PRKCH: variants seen among roughly 807,000 people sequenced by gnomAD.
PRKCH encodes protein kinase C eta, also known as protein kinase C eta type.
PRKCH carries 28 observed loss-of-function variants against 82.5 expected under a neutral mutation model. The ratio of observed to expected loss-of-function variants is 0.34; its 90% CI spans 0.25 to 0.47. The LOEUF (loss-of-function observed/expected upper bound fraction) is 0.47. Among genes scored for constraint, PRKCH ranks in the 20% least tolerant of loss-of-function variants. The pLI is 1.00. For missense variants in PRKCH, 705 were observed against 881.8 expected (o/e 0.80, Z 2.54); for synonymous variants, 322 against 327.4 (o/e 0.98, Z 0.18).
chr14:61,483,877 T>C (rs1886091199), intron 9 of PRKCH, among the ~76,000 whole-genome samples: 2 of 152,014 alleles, frequency 1.3e-5, no homozygotes, highest in Admixed American at 6.5e-5. Context: ...TGAGACCCCA[T>C]CTCTACTAAA....
intron 1 of PRKCH, among the ~76,000 whole-genome samples, chr14:61,334,987 C>T (rs2045837856): frequency 6.6e-6 from 1 of 152,056 alleles, no homozygotes; most frequent in Non-Finnish European, 1.5e-5. Flanking sequence ...GCAAGAGCCG[C>T]CACTCCTAGC....
chr14:61,342,749 T>G (rs1164566926), intron 1 of PRKCH, among the ~76,000 whole-genome samples: 2 of 152,230 alleles, frequency 1.3e-5, no homozygotes, highest in East Asian at 3.8e-4. Flanking sequence ...AATTTTCCAG[T>G]GTGTTCTGGT....
At chr14:61,440,253 T>C (rs895400930) in intron 2 of PRKCH, among the ~76,000 whole-genome samples, 5 of 152,222 alleles carry the variant, frequency 3.3e-5, no homozygotes, top group Admixed American at 2.0e-4. Context: ...GGCAGTGTAG[T>C]GTAGTAACTT....
At chr14:61,306,928 T>A (rs1259290903) in intron 1 of PRKCH, 1 of 152,212 alleles carries the variant, frequency 6.6e-6, no homozygotes, top group African/African-American at 2.4e-5. Flanking sequence ...TCATTGCAGC[T>A]TTTACCAAAC....
chr14:61,324,421 A>G (rs146561259), intron 1 of PRKCH, among the ~76,000 whole-genome samples: 135 of 152,306 alleles, frequency 8.9e-4, no homozygotes, highest in African/African-American at 2.1e-3. Flanking sequence ...GCAGTTTTTC[A>G]TGCGTTTGCA....
upstream of PRKCH, among the ~76,000 whole-genome samples, chr14:61,320,601 A>AC (rs55742117): frequency 0.51 from 77,525 of 151,636 alleles, 23,837 homozygotes; most frequent in Non-Finnish European, 0.67. Flanking sequence ...CTCCGTCTCA[A>AC]AAACAACAAC....
upstream of PRKCH, among the ~76,000 whole-genome samples, chr14:61,320,010 C>T (rs1387871776): frequency 6.6e-6 from 1 of 152,114 alleles, no homozygotes; most frequent in Non-Finnish European, 1.5e-5. Context: ...CTGAACAGGG[C>T]CTTAGAGGAG....
chr14:61,315,940 G>A (rs1040248313), intron 1 of PRKCH, among the ~76,000 whole-genome samples: 1 of 151,836 alleles, frequency 6.6e-6, no homozygotes, highest in Non-Finnish European at 1.5e-5. Context: ...TAGAGATGGG[G>A]TTTCATCATG....
chr14:61,490,458 C>T (rs17098534), intron 10 of PRKCH, among the ~76,000 whole-genome samples: 5,053 of 152,290 alleles, frequency 0.033, 229 homozygotes, highest in African/African-American at 0.1. Context: ...ATACCGATCA[C>T]CAACATCATC....
intron 2 of PRKCH, among the ~76,000 whole-genome samples, chr14:61,391,619 C>G (rs1185875077): frequency 6.6e-6 from 1 of 151,982 alleles, no homozygotes; most frequent in African/African-American, 2.4e-5. Flanking sequence ...TTTGTGCCAT[C>G]TTTTAGTTTG....
chr14:61,536,061 A>G (rs1285645009), intron 12 of PRKCH, among the ~76,000 whole-genome samples: 1 of 152,250 alleles, frequency 6.6e-6, no homozygotes, highest in Non-Finnish European at 1.5e-5. Flanking sequence ...GAAATGGTTT[A>G]CAATACAAAT....
At chr14:61,494,780 G>A (rs1886594650) in intron 10 of PRKCH, among the ~76,000 whole-genome samples, 1 of 152,214 alleles carries the variant, frequency 6.6e-6, no homozygotes, top group African/African-American at 2.4e-5. Flanking sequence ...ATAGAAATTG[G>A]AGTTTTAGCT....
At chr14:61,267,504 A>G (rs2045114170) in intron 1 of PRKCH, among the ~76,000 whole-genome samples, 1 of 152,176 alleles carries the variant, frequency 6.6e-6, no homozygotes, top group African/African-American at 2.4e-5. Flanking sequence ...CCTTCTTGTG[A>G]TCCTGAAGGT....
At chr14:61,242,909 C>T (rs2044851531) in intron 1 of PRKCH, among the ~76,000 whole-genome samples, 1 of 152,118 alleles carries the variant, frequency 6.6e-6, no homozygotes, top group African/African-American at 2.4e-5. Flanking sequence ...ATGCCAGGCA[C>T]TTTGCTAGGT....
At chr14:61,331,071 GC>G (rs1199463333) in intron 1 of PRKCH, among the ~76,000 whole-genome samples, 1 of 152,174 alleles carries the variant, frequency 6.6e-6, no homozygotes, top group African/African-American at 2.4e-5. Flanking sequence ...GGTTGAACAA[GC>G]TTGCCCTAAC....
intron 1 of PRKCH, among the ~76,000 whole-genome samples, chr14:61,385,182 G>A (rs773357871): frequency 1.3e-5 from 2 of 152,016 alleles, no homozygotes; most frequent in African/African-American, 2.4e-5. Context: ...ATTTCTATGT[G>A]GGGCTGCCCT....
At chr14:61,360,277 G>C (rs2046206235) in intron 1 of PRKCH, among the ~76,000 whole-genome samples, 1 of 152,216 alleles carries the variant, frequency 6.6e-6, no homozygotes, top group Admixed American at 6.5e-5. Context: ...GGCCAAGGCA[G>C]GTGGATCACT....
chr14:61,419,817 CTATG>C (rs1882739278), intron 2 of PRKCH, among the ~76,000 whole-genome samples: 1 of 152,204 alleles, frequency 6.6e-6, no homozygotes, highest in African/African-American at 2.4e-5. Context: ...ATATTTCTGT[CTATG>C]TATTATGTAT....
intron 1 of PRKCH, among the ~76,000 whole-genome samples, chr14:61,238,043 AAC>A (rs756861268): frequency 1.3e-5 from 2 of 152,256 alleles, no homozygotes; most frequent in African/African-American, 2.4e-5. Flanking sequence ...GCAAAGTAGT[AAC>A]AGTCTGTTTA....
Sources: allele counts gnomAD v4.1 joint callset (sites outside exome capture counted in the v4.1 genomes callset), GRCh38; gene constraint gnomAD v4.1.1; transcripts MANE v1.5; gene names NCBI Gene and HGNC (gene_info 2026-07-23, HGNC 2026-07-21).